Variants in TMEM266 observed in about 807,000 individuals in gnomAD.
TMEM266 encodes the protein transmembrane protein 266, also known as Hv1 related protein 1.
Under a neutral mutation model 50.5 loss-of-function variants are expected in TMEM266, and 33 were observed. The observed-to-expected ratio is 0.65, with a 90% CI of 0.50 to 0.87. The LOEUF (loss-of-function observed/expected upper bound fraction) is 0.87. Ranked by LOEUF, TMEM266 falls within the 40% of genes least tolerant of loss-of-function variation. The probability of loss-of-function intolerance (pLI) is 0.00; values close to 1 mark genes in which losing one functional copy is unlikely to be tolerated. For missense variants in TMEM266, 655 were observed against 695.1 expected (o/e 0.94, Z 0.65); for synonymous variants, 310 against 292.3 (o/e 1.06, Z -0.62).
chr15:76,138,126 G>A (rs1166438035), intron 3 of TMEM266, among the ~76,000 whole-genome samples: 1 of 151,138 alleles, frequency 6.6e-6, no homozygotes, highest in Admixed American at 6.6e-5. Flanking sequence ...GGAGGCTGAG[G>A]CAGGAGAATT....
In TMEM266 at chr15:76,068,875, G is replaced by T. The variant is rs1048917895; in HGVS notation, c.-97+8859G>T. 7.2e-5 allele frequency among the ~76,000 whole-genome samples: 11 copies of T among 152,360 alleles called. No homozygotes were observed. The East Asian group carries it at 2.1e-3, about 29-fold the overall frequency. On this transcript the variant is annotated intron_variant, in intron 1 of 10. Transcript: ENST00000388942. ...TGTACAGATGAAGAAACTGGATCCA[G>T]ACAGGTAGACTTGCAAGAGGTCAAG...
chr15:76,192,055 G>A lies in TMEM266; in HGVS notation c.856G>A (p.Val286Met), dbSNP rs1596167651. 1.1e-5 allele frequency: 17 copies of A among 1,521,724 alleles called. No individual in the cohort carries two copies. Among genetic ancestry groups the A allele is most frequent in the Non-Finnish European group, 1.5e-5 (17 of 1,141,490 alleles). The allele number at this position is 1,521,724 out of a possible 1,614,324, so 94.3% of individuals were successfully genotyped here. The change falls in exon 9 of 11, where the codon GTG (valine) becomes ATG (methionine). Residue 286 changes from valine to methionine, a missense_variant. Around this residue, in one of 3 missense-constraint regions of TMEM266, gnomAD observed 455 missense variants for 401.8 expected, o/e 1.13. Transcript: ENST00000388942. ...CGAAGCGGCGCTCCAGGCCCCGCAC[G>A]TGCTCAGCCAGCCGCGCAGCCGCTT...
chr15:76,064,836 T>G (rs2036382017), intron 1 of TMEM266, among the ~76,000 whole-genome samples: 1 of 152,238 alleles, frequency 6.6e-6, no homozygotes, highest in South Asian at 2.1e-4. Context: ...CAAGCCGTAA[T>G]GCATGCAATG....
intron 8 of TMEM266, among the ~76,000 whole-genome samples, chr15:76,187,228 G>A (rs1310507441): frequency 2.6e-5 from 4 of 152,210 alleles, no homozygotes; most frequent in South Asian, 2.1e-4. Context: ...ATGTGCCTAC[G>A]TCTGCACATG....
intron 3 of TMEM266, among the ~76,000 whole-genome samples, chr15:76,151,855 C>A (rs1404033360): frequency 2.6e-5 from 4 of 152,220 alleles, no homozygotes; most frequent in Non-Finnish European, 1.5e-5. Context: ...GCTGCTGCTG[C>A]TGCTCTGTAG....
At chr15:76,167,572 G>A (rs1266833100) in intron 5 of TMEM266, among the ~76,000 whole-genome samples, 4 of 151,768 alleles carry the variant, frequency 2.6e-5, no homozygotes, top group Non-Finnish European at 5.9e-5. Context: ...CATGATCTCA[G>A]CTCACTGTAA....
chr15:76,099,417 C>T (rs972330897), intron 1 of TMEM266, among the ~76,000 whole-genome samples: 14 of 152,350 alleles, frequency 9.2e-5, no homozygotes, highest in Non-Finnish European at 1.8e-4. Flanking sequence ...CACTGTCCAA[C>T]GAGTCCCAGT....
intron 1 of TMEM266, among the ~76,000 whole-genome samples, chr15:76,067,823 GACAATA>G (rs1484532521): frequency 6.6e-6 from 1 of 151,524 alleles, no homozygotes; most frequent in East Asian, 1.9e-4. Context: ...GTCGGCCTTT[GACAATA>G]AGTATATCAA....
chr15:76,156,596 C>A lies in TMEM266; in HGVS notation c.228-8C>A, dbSNP rs752148901. The A allele has an allele frequency of 8.1e-6, 13 of 1,613,040 alleles. No individual in the cohort carries two copies. In the East Asian group the frequency reaches 2.7e-4, roughly 33 times the overall value. ...GAGCCTCTCTTCTCCCCACTTTTGT[C>A]CCCACAGGTCTAACTGGCTGAAGCC... On this transcript the variant is annotated splice_region_variant and splice_polypyrimidine_tract_variant and intron_variant, in intron 3 of 10. Transcript: ENST00000388942.
intron 5 of TMEM266, among the ~76,000 whole-genome samples, chr15:76,165,930 G>A (rs2038087971): frequency 1.3e-5 from 2 of 152,128 alleles, no homozygotes; most frequent in African/African-American, 2.4e-5. Flanking sequence ...CGGTTCCGTC[G>A]GGTGCTCCGG....
intron 1 of TMEM266, among the ~76,000 whole-genome samples, chr15:76,119,286 G>T (rs1403971545): frequency 1.3e-5 from 2 of 151,212 alleles, no homozygotes; most frequent in Non-Finnish European, 2.9e-5. Context: ...CTACTTGCCA[G>T]CTTGTAAGTC....
chr15:76,079,788 A>G (rs1278103666), intron 1 of TMEM266, among the ~76,000 whole-genome samples: 2 of 151,182 alleles, frequency 1.3e-5, no homozygotes, highest in Non-Finnish European at 2.9e-5. Context: ...AAAAAAAAAA[A>G]AATCCACATT....
chr15:76,202,969 C>T (rs752116140), intron 10 of TMEM266, among the ~76,000 whole-genome samples: 9 of 152,120 alleles, frequency 5.9e-5, no homozygotes, highest in Non-Finnish European at 1.2e-4. Context: ...CTCAAAGCCT[C>T]ATCCAATATG....
chr15:76,070,502 G>A (rs1202053716), intron 1 of TMEM266, among the ~76,000 whole-genome samples: 1 of 152,188 alleles, frequency 6.6e-6, no homozygotes, highest in Non-Finnish European at 1.5e-5. Flanking sequence ...GTTTATGACA[G>A]AAGAACATGG....
chr15:76,126,175 A>G (rs906595940), intron 1 of TMEM266, among the ~76,000 whole-genome samples: 2 of 151,638 alleles, frequency 1.3e-5, no homozygotes, highest in African/African-American at 4.8e-5. Flanking sequence ...CTCAAAATAG[A>G]ACTACCGTAT....
rs150377160 is a variant in TMEM266 at position 76,105,452 on chromosome 15, T to C, written c.-96-28716T>C. Among the ~76,000 whole-genome samples, 331 of 152,340 alleles carry C rather than the reference T, an allele frequency of 2.2e-3. 2 individuals are homozygous for C. Among genetic ancestry groups the C allele is most frequent in the African/African-American group, 7.5e-3 (313 of 41,564 alleles). On this transcript the variant is annotated intron_variant, in intron 1 of 10. Transcript: ENST00000388942. ...GTCACTTTGTCATTATTTGCTGACA[T>C]GTCTGTTACTCTAAGGCAGGGATCA... is the stretch of plus-strand genomic sequence containing the variant.
intron 1 of TMEM266, among the ~76,000 whole-genome samples, chr15:76,107,882 C>G (rs2037107932): frequency 6.6e-6 from 1 of 152,236 alleles, no homozygotes; most frequent in Admixed American, 6.5e-5. Flanking sequence ...TCTGTCATCC[C>G]AAGAAACCAT....
chr15:76,114,050 C>T (rs2037212668), intron 1 of TMEM266: 2 of 152,212 alleles, frequency 1.3e-5, no homozygotes, highest in South Asian at 4.1e-4. Context: ...TCCCACGGCC[C>T]TTTATCAGTA....
chr15:76,072,438 C>G (rs947328722), intron 1 of TMEM266, among the ~76,000 whole-genome samples: 1 of 54,564 alleles, frequency 1.8e-5, no homozygotes, highest in Non-Finnish European at 4.0e-5. Flanking sequence ...AAAACTCTGT[C>G]AAAAAAAAAA....
Sources: gnomAD v4.1 joint callset for allele counts (sites outside exome capture counted in the v4.1 genomes callset) on GRCh38, gnomAD v4.1.1 for gene constraint, gnomAD v4.1.1 regional missense constraint, MANE v1.5 for transcripts, NCBI Gene and HGNC (gene_info 2026-07-23, HGNC 2026-07-21) for gene names.